The following PRORP variants were observed in gnomAD, a reference collection of about 807,000 sequenced individuals.
PRORP encodes mitochondrial ribonuclease P catalytic subunit.
Under a neutral mutation model 59.4 loss-of-function variants are expected in PRORP, and 51 were observed. The ratio of observed to expected loss-of-function variants is 0.86; its 90% CI spans 0.69 to 1.08. The LOEUF (loss-of-function observed/expected upper bound fraction) is 1.08, where lower values mean the gene tolerates loss of function less well. Ranked by LOEUF, PRORP falls within the 50% of genes least tolerant of loss-of-function variation. PRORP has a pLI of 0.00. For synonymous variants in PRORP, 231 were observed against 245.6 expected (o/e 0.94, Z 0.55); for missense variants, 646 against 690.3 (o/e 0.94, Z 0.72).
chr14:35,149,570 C>T (rs181609430), intron 4 of PRORP, among the ~76,000 whole-genome samples: 2 of 152,244 alleles, frequency 1.3e-5, no homozygotes, highest in African/African-American at 4.8e-5. Flanking sequence ...GAGCCAAATT[C>T]TGCTGGCCTC....
intron 5 of PRORP, among the ~76,000 whole-genome samples, chr14:35,239,917 A>G (rs563190700): frequency 2.6e-5 from 4 of 152,110 alleles, no homozygotes; most frequent in Non-Finnish European, 5.9e-5. Context: ...TCTACTAAAA[A>G]TACAAAAATT....
chr14:35,173,018 C>T (rs972059316), intron 4 of PRORP, among the ~76,000 whole-genome samples: 3 of 151,946 alleles, frequency 2.0e-5, no homozygotes, highest in African/African-American at 7.2e-5. Context: ...TAGGCATGCA[C>T]CACCATGCCT....
At chr14:35,180,550 G>GTGTGTGTGTGTGTGTGTGTGTGT in intron 4 of PRORP, 120 bp from the exon 5 acceptor site, 1 of 612,574 alleles carries the variant, frequency 1.6e-6, no homozygotes, top group Non-Finnish European at 2.9e-6. Flanking sequence ...GTGTGTGTGT[G>GTGTGTGTGTGTGTGTGTGTGTGT]TATTTTTAAG....
At chr14:35,157,976 C>A in intron 4 of PRORP, 1 of 208,690 alleles carries the variant, frequency 4.8e-6, no homozygotes. Flanking sequence ...GTTGAGCTTC[C>A]CAGTTTGCAT....
intron 5 of PRORP, among the ~76,000 whole-genome samples, chr14:35,261,053 T>C (rs1458275750): frequency 1.3e-5 from 2 of 152,202 alleles, no homozygotes; most frequent in Non-Finnish European, 2.9e-5. Flanking sequence ...GATGTTATTT[T>C]ACCAAGTTTT....
intron 5 of PRORP, among the ~76,000 whole-genome samples, chr14:35,196,299 A>G (rs1595286372): frequency 6.6e-6 from 1 of 151,990 alleles, no homozygotes; most frequent in African/African-American, 2.4e-5. Flanking sequence ...ACATAGTGAG[A>G]CCCCCCTGCC....
At chr14:35,250,974 C>T (rs971103050) in intron 5 of PRORP, among the ~76,000 whole-genome samples, 1 of 152,130 alleles carries the variant, frequency 6.6e-6, no homozygotes, top group Admixed American at 6.5e-5. Context: ...ACCCATCACC[C>T]GAGCAGTATA....
chr14:35,209,782 G>T (rs900209659), intron 5 of PRORP, among the ~76,000 whole-genome samples: 1 of 151,972 alleles, frequency 6.6e-6, no homozygotes, highest in Admixed American at 6.6e-5. Context: ...GTGATCCACC[G>T]TCCTCGGCCT....
chr14:35,239,683 G>A (rs2050311626), intron 5 of PRORP, among the ~76,000 whole-genome samples: 1 of 152,164 alleles, frequency 6.6e-6, no homozygotes, highest in Non-Finnish European at 1.5e-5. Flanking sequence ...AGCATTCTGT[G>A]AATGAAGCCA....
intron 5 of PRORP, among the ~76,000 whole-genome samples, chr14:35,253,355 G>GAGAAAGAA (rs1262690176): frequency 2.7e-5 from 3 of 113,008 alleles, no homozygotes; most frequent in African/African-American, 8.4e-5. Flanking sequence ...GAGAGAGAGA[G>GAGAAAGAA]AGAAAGAAAG....
chr14:35,137,573 C>G lies in PRORP; in HGVS notation c.1167+9962C>G, dbSNP rs966417247. ...TGGTTCTTGAGGGGATGTCAAGATGCTAACTCAAGGCAGAAGGATTATGGC... is the reference window on the plus strand; with the variant it reads ...TGGTTCTTGAGGGGATGTCAAGATGGTAACTCAAGGCAGAAGGATTATGGC... On this transcript the variant is annotated intron_variant, in intron 4 of 7. Transcript: ENST00000534898. Among the ~76,000 whole-genome samples, 3 of 144,902 alleles carry G rather than the reference C, an allele frequency of 2.1e-5. 1 individual carries two copies. Among genetic ancestry groups the G allele is most frequent in the Non-Finnish European group, 3.1e-5 (2 of 65,262 alleles).
At chr14:35,141,879 G>A (rs1324878074) in intron 4 of PRORP, among the ~76,000 whole-genome samples, 2 of 143,326 alleles carry the variant, frequency 1.4e-5, no homozygotes, top group African/African-American at 4.9e-5. Flanking sequence ...ACAACACCTG[G>A]GCAATTTTTT....
At chr14:35,163,918 C>A (rs1454250155) in intron 4 of PRORP, among the ~76,000 whole-genome samples, 2 of 152,040 alleles carry the variant, frequency 1.3e-5, no homozygotes, top group Non-Finnish European at 2.9e-5. Context: ...ACATTTAAAT[C>A]TTTAATCCAT....
At chr14:35,232,127 A>G (rs375314424) in intron 5 of PRORP, among the ~76,000 whole-genome samples, 2 of 151,990 alleles carry the variant, frequency 1.3e-5, no homozygotes, top group African/African-American at 2.4e-5. Context: ...GAGATGGTTT[A>G]TATCATAATG....
intron 5 of PRORP, among the ~76,000 whole-genome samples, chr14:35,202,632 G>T (rs2049185875): frequency 1.3e-5 from 2 of 151,716 alleles, no homozygotes; most frequent in Non-Finnish European, 2.9e-5. Context: ...GGTTAGTTTG[G>T]TTTTTTTATT....
rs147629460 is a variant in PRORP at position 35,272,379 on chromosome 14, G to A, written c.1621-1056G>A. Among the ~76,000 whole-genome samples, 1,299 of 152,244 alleles carry A rather than the reference G, an allele frequency of 8.5e-3. 27 individuals are homozygous for A. Among genetic ancestry groups the A allele is most frequent in the African/African-American group, 0.029 (1,196 of 41,542 alleles). ...TGTAATCCCAGCACTTTGGGAGGCCGAAGCAGGAGGATTGCCTGAGCCTAG... is the reference window on the plus strand; with the variant it reads ...TGTAATCCCAGCACTTTGGGAGGCCAAAGCAGGAGGATTGCCTGAGCCTAG... On this transcript the variant is annotated intron_variant, in intron 7 of 7. Coordinates refer to ENST00000534898, the MANE Select transcript of PRORP (RefSeq NM_014672.4).
chr14:35,167,382 G>A (rs1221092453), intron 4 of PRORP, among the ~76,000 whole-genome samples: 1 of 151,782 alleles, frequency 6.6e-6, no homozygotes, highest in Non-Finnish European at 1.5e-5. Context: ...ACTCTTTTTT[G>A]TCTCCAAAGC....
intron 5 of PRORP, among the ~76,000 whole-genome samples, chr14:35,259,740 A>G (rs2050850897): frequency 6.6e-6 from 1 of 152,094 alleles, no homozygotes; most frequent in African/African-American, 2.4e-5. Context: ...AAAATACAAA[A>G]AAAAATTAGC....
chr14:35,260,433 A>G (rs2050874744), intron 5 of PRORP, among the ~76,000 whole-genome samples: 2 of 152,194 alleles, frequency 1.3e-5, no homozygotes, highest in Admixed American at 1.3e-4. Flanking sequence ...TAAGGAAGAG[A>G]AAAACAAATT....
Sources: allele counts gnomAD v4.1 joint callset (sites outside exome capture counted in the v4.1 genomes callset), GRCh38; gene constraint gnomAD v4.1.1; transcripts MANE v1.5; gene names NCBI Gene and HGNC (gene_info 2026-07-23, HGNC 2026-07-21).